The following PARP4 variants were observed in gnomAD, a reference collection of about 807,000 sequenced individuals.
PARP4 encodes protein mono-ADP-ribosyltransferase PARP4.
PARP4 carries 120 observed loss-of-function variants against 187.7 expected under a neutral mutation model. That is an observed-to-expected ratio of 0.64 (90% CI 0.55 to 0.74). The LOEUF is 0.74. Among genes scored for constraint, PARP4 ranks in the 30% least tolerant of loss-of-function variants. The probability of loss-of-function intolerance (pLI) is 0.00; values close to 1 mark genes in which losing one functional copy is unlikely to be tolerated. For missense variants in PARP4, 1,836 were observed against 2,070.5 expected (o/e 0.89, Z 2.20); for synonymous variants, 654 against 740.9 (o/e 0.88, Z 1.90).
intron 33 of PARP4, among the ~76,000 whole-genome samples, chr13:24,424,673 CTTT>C (rs1241681310): frequency 7.7e-6 from 1 of 129,076 alleles, no homozygotes; most frequent in Non-Finnish European, 1.6e-5. Flanking sequence ...AAATTATGTA[CTTT>C]TTTTTTTTTT....
intron 10 of PARP4, among the ~76,000 whole-genome samples, chr13:24,489,595 C>T (rs528098848): frequency 6.6e-5 from 10 of 151,830 alleles, no homozygotes; most frequent in Admixed American, 3.9e-4. Context: ...GGCGACAGAG[C>T]GAGACTCCGT....
At position 24,452,442 on chromosome 13, in the gene PARP4, C is replaced by T; in HGVS notation, c.2978G>A (p.Ser993Asn). The T allele has an allele frequency of 6.2e-7, 1 of 1,614,006 alleles. No homozygotes were observed. Among genetic ancestry groups the T allele is most frequent in the Non-Finnish European group, 8.5e-7 (1 of 1,179,960 alleles). The change falls in exon 24 of 34, where the codon AGC (serine) becomes AAC (asparagine). Residue 993 changes from serine to asparagine, a missense_variant. Ser to Asn is a conservative substitution (Grantham distance 46). Coordinates refer to ENST00000381989, the MANE Select transcript of PARP4 (RefSeq NM_006437.4). ...ESLTLQLVKR[S>N]RPHTRLFACG... Reference sequence around the variant, plus strand: ...GGCGAATAACCTGGTGTGCGGGCGGCTCCTCTTCACGAGCTGTAATGTCAG... The same window carrying T: ...GGCGAATAACCTGGTGTGCGGGCGGTTCCTCTTCACGAGCTGTAATGTCAG...
chr13:24,493,443 T>G lies in PARP4; in HGVS notation c.879+153A>C, dbSNP rs116840835. Among the ~76,000 whole-genome samples, 36 of 152,332 alleles carry G rather than the reference T, an allele frequency of 2.4e-4. No individual in the cohort carries two copies. In the East Asian group the frequency reaches 6.8e-3, roughly 29 times the overall value. ...AAGCTTTTCTCCTTAGTGCTGTTAGTGGTCTCTTTCTTCAGTACCGGTACA... is the reference window on the plus strand; with the variant it reads ...AAGCTTTTCTCCTTAGTGCTGTTAGGGGTCTCTTTCTTCAGTACCGGTACA... On this transcript the variant is annotated intron_variant, in intron 8 of 33. Coordinates refer to ENST00000381989, the MANE Select transcript of PARP4 (RefSeq NM_006437.4).
chr13:24,459,292 A>G lies in PARP4; in HGVS notation c.2317T>C (p.Cys773Arg), dbSNP rs1457240775. ...ENLQDTVEKI[C>R]IKEIGTKQSF... ...TGCTTTGTTCCTATTTCTTTTATAC[A>G]AATCTTCTCTACTGTATCCTGTTAA... Residue 773 changes from cysteine to arginine, a missense_variant, in exon 19 of 34, where the codon TGT (cysteine) becomes CGT (arginine). Physicochemically the swap from Cys to Arg is radical, Grantham distance 180. Transcript: ENST00000381989. The G allele has an allele frequency of 3.2e-6, 5 of 1,574,262 alleles. No homozygotes were observed. The South Asian group carries it at 4.6e-5, about 15-fold the overall frequency.
At chr13:24,500,693 T>G (rs1869224789) in intron 3 of PARP4, among the ~76,000 whole-genome samples, 1 of 152,222 alleles carries the variant, frequency 6.6e-6, no homozygotes, top group Non-Finnish European at 1.5e-5. Context: ...AGGATCAGAA[T>G]GAGTTCCTGA....
chr13:24,507,060 C>T (rs142061301), intron 1 of PARP4, among the ~76,000 whole-genome samples: 1,620 of 152,344 alleles, frequency 0.011, 26 homozygotes, highest in African/African-American at 0.036. Context: ...ACGCTAAGCC[C>T]CTCACTGTCC....
chr13:24,452,347 G>GGGCA (rs1177711906), intron 24 of PARP4, 59 bp downstream of exon 24: 1 of 1,399,844 alleles, frequency 7.1e-7, no homozygotes, highest in Non-Finnish European at 9.8e-7. Context: ...GTCCCCTGCA[G>GGGCA]GGCAACAAGA....
At chr13:24,446,580 T>G (rs1267491229) in intron 27 of PARP4, 101 bp downstream of exon 27, 1 of 778,242 alleles carries the variant, frequency 1.3e-6, no homozygotes. Context: ...AAAGCTGCCC[T>G]GGGCCGTGGG....
At chr13:24,476,086 C>G (rs1476502413) in intron 14 of PARP4, among the ~76,000 whole-genome samples, 1 of 151,918 alleles carries the variant, frequency 6.6e-6, no homozygotes, top group East Asian at 1.9e-4. Flanking sequence ...TACACCTGGC[C>G]TGCCTTTTTT....
chr13:24,490,528 G>T, intron 10 of PARP4, 140 bp downstream of exon 10: 1 of 692,018 alleles, frequency 1.4e-6, no homozygotes, highest in Non-Finnish European at 2.4e-6. Context: ...GAACAGAGAA[G>T]AAAGTAATGT....
At chr13:24,488,974 G>A (rs796606291) in intron 10 of PARP4, among the ~76,000 whole-genome samples, 6,913 of 131,020 alleles carry the variant, frequency 0.053, no homozygotes, top group African/African-American at 0.11. Context: ...ATGTGTCAGT[G>A]CTTCATTACT....
intron 30 of PARP4, among the ~76,000 whole-genome samples, chr13:24,437,225 G>GA (rs1027485589): frequency 2.0e-5 from 3 of 151,920 alleles, no homozygotes; most frequent in African/African-American, 7.3e-5. Flanking sequence ...TCAATCAGAT[G>GA]AAAAATTGAA....
intron 1 of PARP4, among the ~76,000 whole-genome samples, chr13:24,509,811 G>C (rs1282326619): frequency 1.3e-5 from 2 of 151,618 alleles, no homozygotes; most frequent in Non-Finnish European, 2.9e-5. Flanking sequence ...AGTAATTCTC[G>C]TGCCTCAGCC....
intron 22 of PARP4, among the ~76,000 whole-genome samples, chr13:24,454,113 A>T (rs967410954): frequency 7.2e-5 from 11 of 151,902 alleles, no homozygotes; most frequent in Non-Finnish European, 1.5e-4. Context: ...AAAAAAAAAA[A>T]ATTCACCACA....
At chr13:24,501,181 T>A (rs575445452) in intron 3 of PARP4, among the ~76,000 whole-genome samples, 3 of 152,238 alleles carry the variant, frequency 2.0e-5, no homozygotes, top group Non-Finnish European at 4.4e-5. Flanking sequence ...GCATTTTTCA[T>A]GTCCAAAGGC....
At chr13:24,450,463 T>A (rs1372955747) in intron 24 of PARP4, among the ~76,000 whole-genome samples, 1 of 149,700 alleles carries the variant, frequency 6.7e-6, no homozygotes, top group Admixed American at 6.6e-5. Context: ...TTTCAACCTA[T>A]GGATAAAGAT....
At chr13:24,496,882 G>A (rs753014965) in intron 6 of PARP4, among the ~76,000 whole-genome samples, 6 of 152,108 alleles carry the variant, frequency 3.9e-5, no homozygotes, top group African/African-American at 1.4e-4. Flanking sequence ...AATTAGCCAG[G>A]CGTGGCAGCG....
chr13:24,454,546 C>T (rs1320240568), intron 22 of PARP4, among the ~76,000 whole-genome samples: 2 of 152,168 alleles, frequency 1.3e-5, no homozygotes, highest in African/African-American at 4.8e-5. Context: ...TGAGACCATT[C>T]CTTATAGATT....
intron 22 of PARP4, 144 bp downstream of exon 22, chr13:24,454,873 G>T: frequency 1.7e-6 from 1 of 597,416 alleles, no homozygotes; most frequent in Non-Finnish European, 2.8e-6. Context: ...AGGGGGTCCA[G>T]CTCCAGAGCT....
Sources: gnomAD v4.1 joint callset for allele counts (sites outside exome capture counted in the v4.1 genomes callset) on GRCh38, gnomAD v4.1.1 for gene constraint, MANE v1.5 for transcripts, NCBI Gene and HGNC (gene_info 2026-07-23, HGNC 2026-07-21) for gene names.